The following SYNE2 variants were observed in gnomAD, a reference collection of about 807,000 sequenced individuals.
SYNE2 encodes the protein spectrin repeat containing nuclear envelope protein 2.
A neutral mutation model predicts 856.3 loss-of-function variants in SYNE2; 431 were observed. The observed-to-expected ratio is 0.50, with a 90% CI of 0.47 to 0.55. The LOEUF is 0.55. Ranked by LOEUF, SYNE2 falls within the 20% of genes least tolerant of loss-of-function variation. The pLI, the probability that SYNE2 is intolerant of heterozygous loss-of-function variation, is 0.00. For missense variants in SYNE2, 8,129 were observed against 8,023.2 expected (o/e 1.01, Z -0.50); for synonymous variants, 2,923 against 2,872.3 (o/e 1.02, Z -0.56).
intron 37 of SYNE2, among the ~76,000 whole-genome samples, 173 bp from the exon 38 acceptor site, chr14:64,022,578 T>C (rs2096943550): frequency 6.6e-6 from 1 of 151,984 alleles, no homozygotes; most frequent in Non-Finnish European, 1.5e-5. Context: ...ACCAAATTTA[T>C]GGTGAAACCT....
chr14:64,038,261 G>A (rs1286554379), intron 45 of SYNE2, among the ~76,000 whole-genome samples: 4 of 150,114 alleles, frequency 2.7e-5, no homozygotes, highest in East Asian at 1.9e-4. Flanking sequence ...GGGAAGAGGC[G>A]CTCCTCACTT....
At chr14:64,012,041 G>A (rs1321692835) in intron 32 of SYNE2, among the ~76,000 whole-genome samples, 2 of 152,162 alleles carry the variant, frequency 1.3e-5, no homozygotes, top group Admixed American at 6.5e-5. Context: ...CCATTCAATC[G>A]GGTGGAGGAG....
chr14:64,224,287 G>T (rs757662307), intron 113 of SYNE2, among the ~76,000 whole-genome samples, 174 bp from the exon 114 acceptor site: 1 of 151,896 alleles, frequency 6.6e-6, no homozygotes, highest in Non-Finnish European at 1.5e-5. Flanking sequence ...GGAGGTTGAG[G>T]CTGCAGTGAC....
At chr14:64,218,556 T>C in intron 109 of SYNE2, 44 bp downstream of exon 109, 1 of 1,574,626 alleles carries the variant, frequency 6.4e-7, no homozygotes, top group Non-Finnish European at 8.7e-7. Context: ...CAGAGTATGG[T>C]ATTTAAGTCC....
At chr14:63,812,071 C>T (rs1888633060) in intron 1 of SYNE2, among the ~76,000 whole-genome samples, 1 of 152,080 alleles carries the variant, frequency 6.6e-6, no homozygotes, top group South Asian at 2.1e-4. Context: ...TCAAATTTAC[C>T]AGGGTGGGGT....
chr14:63,912,044 T>C (rs1263569478), intron 2 of SYNE2, among the ~76,000 whole-genome samples: 1 of 152,160 alleles, frequency 6.6e-6, no homozygotes, highest in African/African-American at 2.4e-5. Context: ...TTAGGGGGAC[T>C]GGTAGAAAGC....
chr14:64,024,805 A>G, intron 39 of SYNE2, 107 bp from the exon 40 acceptor site: 1 of 1,156,610 alleles, frequency 8.6e-7, no homozygotes, highest in Non-Finnish European at 1.3e-6. Flanking sequence ...AATTATAACA[A>G]ACATATTATA....
intron 1 of SYNE2, among the ~76,000 whole-genome samples, chr14:63,833,241 C>A (rs902861063): frequency 6.6e-6 from 1 of 151,900 alleles, no homozygotes; most frequent in African/African-American, 2.4e-5. Flanking sequence ...TGTTCTTTTT[C>A]TGAATCAAAT....
chr14:64,186,075 G>A (rs1045139520), intron 96 of SYNE2, among the ~76,000 whole-genome samples: 12 of 152,076 alleles, frequency 7.9e-5, no homozygotes, highest in Middle Eastern at 3.2e-3. Context: ...ATTAAAAATT[G>A]TATGTGTGCA....
chr14:63,970,869 T>A (rs1393843946), intron 11 of SYNE2, among the ~76,000 whole-genome samples: 1 of 151,740 alleles, frequency 6.6e-6, no homozygotes, highest in Non-Finnish European at 1.5e-5. Context: ...GCCAGGCTGG[T>A]CTCGAACTCC....
chr14:63,768,643 A>C (rs1886778672), intron 1 of SYNE2, among the ~76,000 whole-genome samples: 1 of 152,216 alleles, frequency 6.6e-6, no homozygotes, highest in South Asian at 2.1e-4. Context: ...AGGACAAAGA[A>C]AGAAGCAGCC....
intron 94 of SYNE2, 89 bp downstream of exon 94, chr14:64,170,551 A>G (rs1220383094): frequency 1.5e-6 from 2 of 1,337,434 alleles, no homozygotes; most frequent in Non-Finnish European, 2.1e-6. Context: ...GTTTTTGATG[A>G]TGATGTGATC....
intron 7 of SYNE2, among the ~76,000 whole-genome samples, chr14:63,951,293 C>A (rs2096153869): frequency 1.3e-5 from 2 of 152,014 alleles, no homozygotes; most frequent in African/African-American, 4.8e-5. Context: ...GTTCTGCTTT[C>A]AGCCTTACTT....
At chr14:64,152,400 A>G (rs1250684352) in intron 84 of SYNE2, among the ~76,000 whole-genome samples, 164 bp from the exon 85 acceptor site, 1 of 152,168 alleles carries the variant, frequency 6.6e-6, no homozygotes, top group Non-Finnish European at 1.5e-5. Flanking sequence ...TGTCATATGT[A>G]ATTGAACTAA....
In SYNE2 at chr14:64,098,101, A is replaced by G. The variant is rs762570813; in HGVS notation, c.12261A>G (p.Thr4087=). The part of the protein sequence containing the change: ...GVERDRLPAV[T]SEEGGVAERD... ...AAAGAGATAGGCTGCCAGCTGTAAC[A>G]TCAGAGGAAGGTGGAGTGGCAGAGA... is the stretch of plus-strand genomic sequence containing the variant. Residue 4087 remains threonine, a synonymous_variant, in exon 62 of 116, where the codon ACA becomes ACG. Transcript: ENST00000555002. 5.6e-6 allele frequency: 9 copies of G among 1,614,158 alleles called. 1 individual carries two copies. Among genetic ancestry groups the G allele is most frequent in the Admixed American group, 5.0e-5 (3 of 60,028 alleles).
chr14:64,076,379 G>GTT (rs551086303), intron 54 of SYNE2, among the ~76,000 whole-genome samples: 113 of 152,142 alleles, frequency 7.4e-4, no homozygotes, highest in African/African-American at 2.6e-3. Context: ...TACTGGTTTT[G>GTT]TTTGCTTTTG....
At chr14:63,905,111 A>G (rs1207189090) in intron 1 of SYNE2, among the ~76,000 whole-genome samples, 1 of 152,036 alleles carries the variant, frequency 6.6e-6, no homozygotes, top group Non-Finnish European at 1.5e-5. Flanking sequence ...TTAATATCAG[A>G]TGGTTGGAAA....
intron 2 of SYNE2, among the ~76,000 whole-genome samples, chr14:63,912,740 T>C (rs1226717576): frequency 6.6e-6 from 1 of 152,218 alleles, no homozygotes; most frequent in Non-Finnish European, 1.5e-5. Flanking sequence ...TGAAATGTAG[T>C]GCTTCATCAT....
intron 96 of SYNE2, among the ~76,000 whole-genome samples, chr14:64,183,626 A>G (rs961095431): frequency 2.6e-5 from 4 of 152,170 alleles, no homozygotes; most frequent in African/African-American, 9.7e-5. Flanking sequence ...CCTGGGCAAC[A>G]TTGAGCACTG....
Sources: allele counts gnomAD v4.1 joint callset (sites outside exome capture counted in the v4.1 genomes callset), GRCh38; gene constraint gnomAD v4.1.1; transcripts MANE v1.5; gene names NCBI Gene and HGNC (gene_info 2026-07-23, HGNC 2026-07-21).